The following LZTS1 variants were observed in gnomAD, a reference collection of about 807,000 sequenced individuals.
LZTS1 encodes leucine zipper tumor suppressor 1.
A neutral mutation model predicts 45.8 loss-of-function variants in LZTS1; 31 were observed. The observed-to-expected ratio is 0.68, with a 90% CI of 0.51 to 0.91. LZTS1 has a LOEUF of 0.91. Among genes scored for constraint, LZTS1 ranks in the 40% least tolerant of loss-of-function variants. LZTS1 has a pLI of 0.00. For synonymous variants in LZTS1, 359 were observed against 357.3 expected (o/e 1.00, Z -0.05); for missense variants, 821 against 788.9 (o/e 1.04, Z -0.49).
intron 1 of LZTS1, among the ~76,000 whole-genome samples, chr8:20,287,169 G>A (rs4922152): frequency 0.85 from 128,923 of 152,262 alleles, 54,713 homozygotes; most frequent in East Asian, 1. Context: ...CAGAGAGGAC[G>A]AGAAAGGTGT....
intron 1 of LZTS1, among the ~76,000 whole-genome samples, chr8:20,281,589 T>G (rs1235985754): frequency 6.6e-6 from 1 of 151,944 alleles, no homozygotes; most frequent in East Asian, 1.9e-4. Context: ...AAAGAATGGC[T>G]GAGTGCCCTC....
chr8:20,301,378 T>C (rs533081393), intron 1 of LZTS1, among the ~76,000 whole-genome samples: 84 of 152,262 alleles, frequency 5.5e-4, no homozygotes, highest in Non-Finnish European at 1.1e-3. Context: ...GAAAATTAAA[T>C]GAGATAATGA....
chr8:20,288,559 T>A (rs1374376714), intron 1 of LZTS1, among the ~76,000 whole-genome samples: 1 of 152,190 alleles, frequency 6.6e-6, no homozygotes, highest in East Asian at 1.9e-4. Flanking sequence ...CTACCCCAAC[T>A]GATGGATGCA....
chr8:20,300,094 C>G (rs536975390), intron 1 of LZTS1, among the ~76,000 whole-genome samples: 1 of 152,108 alleles, frequency 6.6e-6, no homozygotes, highest in Non-Finnish European at 1.5e-5. Flanking sequence ...CTCGGACTCC[C>G]GAACTGTTGG....
At chr8:20,286,795 C>A (rs1800800068) in intron 1 of LZTS1, among the ~76,000 whole-genome samples, 1 of 152,132 alleles carries the variant, frequency 6.6e-6, no homozygotes, top group Admixed American at 6.5e-5. Context: ...TCCCAGGGAG[C>A]AACGGGCACG....
chr8:20,294,882 G>A (rs1021120272), intron 1 of LZTS1, among the ~76,000 whole-genome samples: 2 of 151,812 alleles, frequency 1.3e-5, no homozygotes, highest in African/African-American at 4.8e-5. Flanking sequence ...GAAGGTCAAG[G>A]GCAGCCTCAG....
intron 1 of LZTS1, chr8:20,289,382 G>A (rs1220169187): frequency 1.3e-5 from 2 of 152,384 alleles, no homozygotes; most frequent in Non-Finnish European, 1.5e-5. Context: ...GCAGACAAGC[G>A]GCTGATCGTG....
chr8:20,259,578 C>T (rs1242609217), intron 1 of LZTS1, among the ~76,000 whole-genome samples: 1 of 152,120 alleles, frequency 6.6e-6, no homozygotes, highest in Non-Finnish European at 1.5e-5. Context: ...GAGTACAATG[C>T]GGACTCCTCA....
rs1219316159 is a variant in LZTS1, at chr8:20,303,728, A to C, written c.-135+12T>G. On this transcript the variant is annotated intron_variant, in intron 1 of 3. Coordinates refer to ENST00000381569, the MANE Select transcript of LZTS1 (RefSeq NM_021020.5). ...TCCAGGGGCGAGGAGATCCCCGGCC[A>C]CCGCACCTTACCTGCCCCCTGCGCC... is the stretch of plus-strand genomic sequence containing the variant. 1.0e-5 allele frequency: 10 copies of C among 983,954 alleles called. No individual in the cohort carries two copies. The highest frequency in any genetic ancestry group is 1.8e-5 in the African/African-American group (1 of 56,840). The allele number at this position is 983,954 out of a possible 1,614,324, so 61.0% of individuals were successfully genotyped here.
chr8:20,296,715 G>C (rs538059329), intron 1 of LZTS1, among the ~76,000 whole-genome samples: 1 of 152,174 alleles, frequency 6.6e-6, no homozygotes, highest in African/African-American at 2.4e-5. Context: ...ATGTGTGTAT[G>C]TGTGCGTGTG....
At chr8:20,293,485 T>C (rs1800933514) in intron 1 of LZTS1, among the ~76,000 whole-genome samples, 1 of 152,216 alleles carries the variant, frequency 6.6e-6, no homozygotes, top group Non-Finnish European at 1.5e-5. Flanking sequence ...TGATTCTGTT[T>C]TGTAGAATGA....
At chr8:20,263,978 C>A (rs1423811307) in intron 1 of LZTS1, among the ~76,000 whole-genome samples, 1 of 151,536 alleles carries the variant, frequency 6.6e-6, no homozygotes, top group African/African-American at 2.4e-5. Context: ...ATGAAACAAA[C>A]ATCTCAGAGC....
In LZTS1 at chr8:20,249,349, T is replaced by C. The variant is rs999865048; in HGVS notation, c.*373A>G. 2 of 214,728 alleles carry C rather than the reference T, an allele frequency of 9.3e-6. No homozygotes were observed. Among genetic ancestry groups the C allele is most frequent in the Non-Finnish European group, 1.9e-5 (2 of 107,286 alleles). 13.3% of individuals were successfully genotyped at this position (214,728 alleles called of 1,614,324 possible). ...CAATGTGTCCAGGAGGAAAAAGAGG[T>C]TGGGATGAGAAGCAGAGGGGAGCCG... On this transcript the variant is annotated 3_prime_UTR_variant, in exon 4 of 4. Transcript: ENST00000381569.
At chr8:20,265,038 T>A (rs1465158706) in intron 1 of LZTS1, among the ~76,000 whole-genome samples, 1 of 152,150 alleles carries the variant, frequency 6.6e-6, no homozygotes, top group Non-Finnish European at 1.5e-5. Context: ...AGGGTCACCC[T>A]GTGGGTTCAA....
At chr8:20,284,848 C>T (rs1217438085) in intron 1 of LZTS1, among the ~76,000 whole-genome samples, 3 of 152,164 alleles carry the variant, frequency 2.0e-5, no homozygotes, top group Non-Finnish European at 4.4e-5. Flanking sequence ...GATAACCTTT[C>T]CCTGCTCCCA....
chr8:20,293,060 C>T (rs1053087048), intron 1 of LZTS1, among the ~76,000 whole-genome samples: 3 of 152,106 alleles, frequency 2.0e-5, no homozygotes, highest in Admixed American at 6.5e-5. Flanking sequence ...CAGATATTCC[C>T]CGGCTACAAG....
At chr8:20,286,582 T>C (rs1219045181) in intron 1 of LZTS1, among the ~76,000 whole-genome samples, 5 of 152,216 alleles carry the variant, frequency 3.3e-5, no homozygotes, top group Non-Finnish European at 4.4e-5. Flanking sequence ...AGCCACACTA[T>C]GAAAATGTTT....
At chr8:20,284,880 A>T (rs1800759845) in intron 1 of LZTS1, among the ~76,000 whole-genome samples, 1 of 152,112 alleles carries the variant, frequency 6.6e-6, no homozygotes, top group South Asian at 2.1e-4. Flanking sequence ...ATCAAGACCC[A>T]TGCTCCCATC....
chr8:20,302,941 G>T (rs533009675), intron 1 of LZTS1, among the ~76,000 whole-genome samples: 1 of 152,188 alleles, frequency 6.6e-6, no homozygotes, highest in African/African-American at 2.4e-5. Flanking sequence ...TTGGTGTCTC[G>T]GGGATGCCTG....
Sources: gnomAD v4.1 joint callset for allele counts (sites outside exome capture counted in the v4.1 genomes callset) on GRCh38, gnomAD v4.1.1 for gene constraint, MANE v1.5 for transcripts, NCBI Gene and HGNC (gene_info 2026-07-23, HGNC 2026-07-21) for gene names.